GRID2: variants seen among roughly 807,000 people sequenced by gnomAD.
GRID2 encodes glutamate ionotropic receptor delta type subunit 2, also known as glutamate receptor ionotropic, delta-2.
In GRID2, 33 loss-of-function variants were observed where a neutral mutation model predicts 114.8. The ratio of observed to expected loss-of-function variants is 0.29; its 90% CI spans 0.22 to 0.38. The LOEUF (loss-of-function observed/expected upper bound fraction) is 0.38, where lower values mean the gene tolerates loss of function less well. Ranked by LOEUF, GRID2 falls within the 10% of genes least tolerant of loss-of-function variation. The pLI is 1.00. For synonymous variants in GRID2, 505 were observed against 449.9 expected, an observed-to-expected ratio of 1.12 and a Z score of -1.55; for missense variants, 1,184 against 1,257.7, an observed-to-expected ratio of 0.94 and a Z score of 0.89.
chr4:93,806,797 A>G (rs1232535606), exon 2 of GRID2: 1 of 152,224 alleles, frequency 6.6e-6, no homozygotes, highest in African/African-American at 2.4e-5. Context: ...CTTGGCAGCA[A>G]TACCTGGAGA....
chr4:93,068,446 A>G (rs1159104006), intron 2 of GRID2, among the ~76,000 whole-genome samples: 1 of 152,082 alleles, frequency 6.6e-6, no homozygotes, highest in Non-Finnish European at 1.5e-5. Flanking sequence ...ATTACTGCAG[A>G]CAGAACATTT....
At chr4:93,339,374 C>T (rs926163718) in intron 8 of GRID2, among the ~76,000 whole-genome samples, 18 of 152,206 alleles carry the variant, frequency 1.2e-4, no homozygotes, top group East Asian at 1.9e-4. Flanking sequence ...GACCCACTGA[C>T]GACAGAGACA....
At chr4:93,793,458 T>G (rs1326902176) in intron 1 of GRID2, among the ~76,000 whole-genome samples, 3 of 152,220 alleles carry the variant, frequency 2.0e-5, no homozygotes, top group Non-Finnish European at 4.4e-5. Context: ...AAATCTGTTT[T>G]GTTAGGCAAC....
intron 4 of GRID2, among the ~76,000 whole-genome samples, chr4:93,189,806 CACACACACAA>C (rs904247448): frequency 2.0e-5 from 3 of 149,526 alleles, no homozygotes; most frequent in Non-Finnish European, 3.0e-5. Flanking sequence ...CACACACACA[CACACACACAA>C]ATCTCATCTT....
chr4:93,778,668 G>A (rs975904753), downstream of GRID2, among the ~76,000 whole-genome samples: 9 of 152,292 alleles, frequency 5.9e-5, no homozygotes, highest in East Asian at 1.9e-4. Flanking sequence ...AAAGTGCTGA[G>A]ATTACAGGCG....
rs141847867 is a variant in GRID2, at chr4:93,333,115, G to C, written c.1246-62492G>C. On this transcript the variant is annotated intron_variant, in intron 8 of 15. Coordinates refer to ENST00000282020, the MANE Select transcript of GRID2 (RefSeq NM_001510.4). ...TAGCTTTTAACACAAATTACAGGTA[G>C]GCCTCCCAGCCACCTGTCCCTTTAG... Among the ~76,000 whole-genome samples the C allele has an allele frequency of 5.9e-5, 9 of 152,118 alleles. No individual in the cohort carries two copies. The East Asian group carries it at 1.7e-3, about 29-fold the overall frequency.
At chr4:93,064,996 G>A (rs965898662) in intron 2 of GRID2, among the ~76,000 whole-genome samples, 8 of 151,700 alleles carry the variant, frequency 5.3e-5, no homozygotes, top group Non-Finnish European at 1.2e-4. Flanking sequence ...AAACTTATTC[G>A]TCATTTTAAG....
chr4:93,523,329 C>T (rs983541344), intron 13 of GRID2, among the ~76,000 whole-genome samples: 1 of 152,116 alleles, frequency 6.6e-6, no homozygotes. Context: ...GGGACAGTCT[C>T]GATTTTGCCA....
intron 4 of GRID2, among the ~76,000 whole-genome samples, chr4:93,130,478 A>C (rs971864292): frequency 6.6e-6 from 1 of 152,218 alleles, no homozygotes; most frequent in Non-Finnish European, 1.5e-5. Context: ...TTCTGAATTA[A>C]ATAATTACTT....
chr4:93,173,846 G>T (rs552240479), intron 4 of GRID2, among the ~76,000 whole-genome samples: 80 of 152,248 alleles, frequency 5.3e-4, no homozygotes, highest in African/African-American at 1.9e-3. Context: ...GCCCAGGCCT[G>T]TCTCTAACTT....
At chr4:92,832,324 C>T (rs564184412) in intron 2 of GRID2, among the ~76,000 whole-genome samples, 1 of 152,008 alleles carries the variant, frequency 6.6e-6, no homozygotes, top group Admixed American at 6.6e-5. Flanking sequence ...GTGGTGATAC[C>T]TGCCTGTAAT....
intron 2 of GRID2, among the ~76,000 whole-genome samples, chr4:92,729,822 T>TA (rs34967924): frequency 0.25 from 37,472 of 150,974 alleles, 5,269 homozygotes; most frequent in East Asian, 0.53. Flanking sequence ...AACAAAACAG[T>TA]AAAAAAAAAT....
In GRID2 at chr4:92,945,323, A is replaced by C. The variant is rs568197031; in HGVS notation, c.245-139672A>C. On this transcript the variant is annotated intron_variant, in intron 2 of 15. Transcript: ENST00000282020. ...AAGTCATTGTTCTATTATTTTATGG[A>C]ATCCAACATTACTTATGAGAATAAT... is the stretch of plus-strand genomic sequence containing the variant. Among the ~76,000 whole-genome samples the C allele has an allele frequency of 3.3e-5, 5 of 152,254 alleles. No individual in the cohort carries two copies. In the East Asian group the frequency reaches 9.6e-4, roughly 29 times the overall value.
intron 8 of GRID2, among the ~76,000 whole-genome samples, chr4:93,259,858 G>A (rs72872771): frequency 0.023 from 3,507 of 151,670 alleles, 146 homozygotes; most frequent in African/African-American, 0.079. Context: ...AAGTGATAGG[G>A]GGCATGTGTT....
chr4:92,954,184 A>G (rs1437852396), intron 2 of GRID2, among the ~76,000 whole-genome samples: 1 of 152,152 alleles, frequency 6.6e-6, no homozygotes, highest in Admixed American at 6.6e-5. Flanking sequence ...TGAAAAAAGC[A>G]TACTATGTGT....
At chr4:92,633,289 G>GA (rs892097034) in intron 2 of GRID2, among the ~76,000 whole-genome samples, 22 of 150,726 alleles carry the variant, frequency 1.5e-4, no homozygotes, top group Non-Finnish European at 2.1e-4. Context: ...ATGTGAAAGG[G>GA]AAAAAAAAAC....
chr4:93,257,092 A>G (rs991357072), intron 8 of GRID2, among the ~76,000 whole-genome samples: 1 of 151,910 alleles, frequency 6.6e-6, no homozygotes, highest in African/African-American at 2.4e-5. Flanking sequence ...TAAGTCAATA[A>G]TAAGTAGAAA....
intron 1 of GRID2, among the ~76,000 whole-genome samples, chr4:92,408,047 G>A (rs1180173539): frequency 1.3e-5 from 2 of 152,038 alleles, no homozygotes; most frequent in Non-Finnish European, 2.9e-5. Context: ...TTTTCTTTTA[G>A]GATTGTCATA....
intron 2 of GRID2, among the ~76,000 whole-genome samples, chr4:92,697,120 C>T (rs930666744): frequency 6.6e-6 from 1 of 152,150 alleles, no homozygotes; most frequent in Non-Finnish European, 1.5e-5. Flanking sequence ...CACATATATC[C>T]TCCTTGCCAG....
Sources: gnomAD v4.1 joint callset for allele counts (sites outside exome capture counted in the v4.1 genomes callset) on GRCh38, gnomAD v4.1.1 for gene constraint, MANE v1.5 for transcripts, NCBI Gene and HGNC (gene_info 2026-07-23, HGNC 2026-07-21) for gene names.